The following FCHSD2 variants were observed in gnomAD, a reference collection of about 807,000 sequenced individuals.
FCHSD2 encodes F-BAR and double SH3 domains protein 2.
In FCHSD2, 38 loss-of-function variants were observed where a neutral mutation model predicts 108.1. The ratio of observed to expected loss-of-function variants is 0.35; its 90% confidence interval spans 0.27 to 0.46. The LOEUF (loss-of-function observed/expected upper bound fraction) is 0.46. Among genes scored for constraint, FCHSD2 ranks in the 20% least tolerant of loss-of-function variants. FCHSD2 has a pLI of 1.00. For missense variants in FCHSD2, 751 were observed against 897.8 expected (o/e 0.84, Z 2.09); for synonymous variants, 279 against 314.7 (o/e 0.89, Z 1.20).
intron 12 of FCHSD2, among the ~76,000 whole-genome samples, chr11:72,879,078 T>C (rs1172886249): frequency 6.6e-6 from 1 of 151,884 alleles, no homozygotes. Flanking sequence ...ACCACTGCAC[T>C]CAAGCCTGTG....
In FCHSD2 at chr11:72,913,118, G is replaced by C. The variant is rs546704088; in HGVS notation, c.828+8710C>G. Among the ~76,000 whole-genome samples the C allele has an allele frequency of 9.6e-4, 146 of 152,220 alleles. 1 individual carries two copies. Among genetic ancestry groups the C allele is most frequent in the African/African-American group, 3.3e-3 (136 of 41,550 alleles). ...CTCATGAGGACTCACTCACTACCAA[G>C]AGAACAGCAAGGGGGAACTCCATCC... is the stretch of plus-strand genomic sequence containing the variant. On this transcript the variant is annotated intron_variant, in intron 9 of 19. Coordinates refer to ENST00000409418, the MANE Select transcript of FCHSD2 (RefSeq NM_014824.3).
chr11:73,110,200 C>T (rs1457663121), intron 2 of FCHSD2, among the ~76,000 whole-genome samples: 2 of 151,794 alleles, frequency 1.3e-5, no homozygotes, highest in Non-Finnish European at 2.9e-5. Context: ...TACTGCTGGC[C>T]TCACAGAATG....
chr11:73,033,063 C>A (rs188552561), intron 3 of FCHSD2, among the ~76,000 whole-genome samples: 1 of 151,844 alleles, frequency 6.6e-6, no homozygotes, highest in African/African-American at 2.4e-5. Flanking sequence ...CTGAGGCATG[C>A]GGATCATGAG....
Position 72,875,046 on chromosome 11 carries a change from C to T in FCHSD2, c.1147-7020G>A, listed in dbSNP as rs542272239. Among the ~76,000 whole-genome samples the T allele has an allele frequency of 2.4e-3, 364 of 152,286 alleles. 1 individual carries two copies. The highest frequency in any genetic ancestry group is 4.5e-3 in the Non-Finnish European group (309 of 68,000). ...ACCTAGATTTTAACACAACATTTAACATAAACACATATAAGTGTAAAGCTA... is the reference window on the plus strand; with the variant it reads ...ACCTAGATTTTAACACAACATTTAATATAAACACATATAAGTGTAAAGCTA... On this transcript the variant is annotated intron_variant, in intron 12 of 19. Transcript: ENST00000409418.
chr11:72,855,929 A>G (rs1303443045), intron 13 of FCHSD2, among the ~76,000 whole-genome samples: 1 of 152,196 alleles, frequency 6.6e-6, no homozygotes, highest in African/African-American at 2.4e-5. Flanking sequence ...TTTACTTTTT[A>G]AATTAAAAAC....
At chr11:73,011,191 T>C (rs1413936610) in intron 4 of FCHSD2, among the ~76,000 whole-genome samples, 1 of 152,124 alleles carries the variant, frequency 6.6e-6, no homozygotes, top group Non-Finnish European at 1.5e-5. Flanking sequence ...CTGGGGTGGC[T>C]TGCCCTCAGG....
rs983848295 is a variant in FCHSD2, at chr11:72,882,131, A to G, written c.1146+5339T>C. ...CTGCACTCCAGCCTGGGTGACAGCA[A>G]GACTCCGTCTCAAAAAAAAAGAGAG... On this transcript the variant is annotated intron_variant, in intron 12 of 19. Transcript: ENST00000409418. Among the ~76,000 whole-genome samples the G allele has an allele frequency of 2.0e-5, 3 of 147,830 alleles. No individual in the cohort carries two copies. In the Admixed American group the frequency reaches 2.0e-4, roughly 10 times the overall value.
intron 12 of FCHSD2, among the ~76,000 whole-genome samples, chr11:72,886,473 C>T (rs944322093): frequency 6.6e-6 from 1 of 152,184 alleles, no homozygotes; most frequent in African/African-American, 2.4e-5. Context: ...CTGGGTTCTT[C>T]AACTATACTT....
chr11:73,135,845 A>T (rs1861108363), intron 2 of FCHSD2, among the ~76,000 whole-genome samples: 1 of 152,198 alleles, frequency 6.6e-6, no homozygotes, highest in African/African-American at 2.4e-5. Flanking sequence ...CTCCCCTCGA[A>T]ATTCCAAAAG....
intron 5 of FCHSD2, among the ~76,000 whole-genome samples, chr11:72,999,707 T>C (rs772492272): frequency 6.6e-6 from 1 of 152,184 alleles, no homozygotes; most frequent in Non-Finnish European, 1.5e-5. Context: ...CAGAGGTAGT[T>C]AAACTCTCTA....
chr11:72,953,529 T>C (rs1856655490), intron 8 of FCHSD2, among the ~76,000 whole-genome samples: 1 of 152,098 alleles, frequency 6.6e-6, no homozygotes, highest in African/African-American at 2.4e-5. Flanking sequence ...CACATGAATT[T>C]ATTGAACATG....
chr11:73,026,545 T>G lies in FCHSD2; in HGVS notation c.166-10660A>C, dbSNP rs535554819. On this transcript the variant is annotated intron_variant, in intron 3 of 19. Coordinates refer to ENST00000409418, the MANE Select transcript of FCHSD2 (RefSeq NM_014824.3). ...AATAATGTAGAATATATAAAACAGA[T>G]ATACAGTGCTCTAAAAAACTTTAAA... Among the ~76,000 whole-genome samples the G allele has an allele frequency of 3.2e-4, 49 of 152,228 alleles. No homozygotes were observed. In the South Asian group the frequency reaches 1.0e-2, roughly 31 times the overall value.
intron 3 of FCHSD2, among the ~76,000 whole-genome samples, chr11:73,051,982 C>T (rs1858913931): frequency 6.6e-6 from 1 of 151,538 alleles, no homozygotes. Flanking sequence ...TTCAGTGAAT[C>T]TGCAATAAAG....
At chr11:73,075,796 GAA>G (rs567899906) in intron 3 of FCHSD2, among the ~76,000 whole-genome samples, 1 of 141,578 alleles carries the variant, frequency 7.1e-6, no homozygotes. Flanking sequence ...TGTCTCAAAA[GAA>G]AAAAAAAAAT....
intron 8 of FCHSD2, among the ~76,000 whole-genome samples, chr11:72,975,849 A>G (rs1467374024): frequency 6.6e-6 from 1 of 152,220 alleles, no homozygotes; most frequent in Non-Finnish European, 1.5e-5. Context: ...AATAAATCCT[A>G]TTAAGAATTA....
chr11:73,063,091 C>T (rs1300788616), intron 3 of FCHSD2, among the ~76,000 whole-genome samples: 3 of 152,170 alleles, frequency 2.0e-5, no homozygotes, highest in Admixed American at 6.5e-5. Context: ...GTGGATGTCT[C>T]GGCAGAAACC....
At position 72,843,225 on chromosome 11, in the gene FCHSD2, T is replaced by G; in HGVS notation, c.1631A>C (p.Asp544Ala). 1.2e-6 allele frequency: 2 copies of G among 1,613,928 alleles called. No homozygotes were observed. Among genetic ancestry groups the G allele is most frequent in the Non-Finnish European group, 1.7e-6 (2 of 1,179,880 alleles). The change falls in exon 16 of 20, where the codon GAC (aspartate) becomes GCC (alanine). Residue 544 changes from aspartate (D) to alanine (A), a missense_variant. Physicochemically the swap from Asp to Ala is moderately radical, Grantham distance 126. Transcript: ENST00000409418. The stretch of plus-strand genomic sequence containing the variant: ...ATTGCTGGACGTGTGTGACCGACTG[T>G]CCAAAGCGGCCAGGGACTGCAGCAT... The part of the protein sequence containing the change: ...LSMLQSLAAL[D>A]SRSHTSSNST...
In FCHSD2 at chr11:72,902,536, C is replaced by T; in HGVS notation, c.924+7G>A. The T allele has an allele frequency of 6.5e-7, 1 of 1,543,526 alleles. No individual in the cohort carries two copies. The highest frequency in any genetic ancestry group is 8.8e-7 in the Non-Finnish European group (1 of 1,133,154). ...ACACATGAAATGAAAATCTATAATT[C>T]CCTTACAGTATCACTGTCACAAGGC... On this transcript the variant is annotated splice_region_variant and intron_variant, in intron 10 of 19. Coordinates refer to ENST00000409418, the MANE Select transcript of FCHSD2 (RefSeq NM_014824.3).
At chr11:73,018,714 A>C (rs1453972156) in intron 3 of FCHSD2, among the ~76,000 whole-genome samples, 1 of 152,008 alleles carries the variant, frequency 6.6e-6, no homozygotes, top group Non-Finnish European at 1.5e-5. Context: ...TCTGGTTCCT[A>C]ATTTTCATGT....
Sources: gnomAD v4.1 joint callset for allele counts (sites outside exome capture counted in the v4.1 genomes callset) on GRCh38, gnomAD v4.1.1 for gene constraint, MANE v1.5 for transcripts, NCBI Gene and HGNC (gene_info 2026-07-23, HGNC 2026-07-21) for gene names.